Variants in GSN observed in about 807,000 individuals in gnomAD.
GSN encodes actin-depolymerizing factor.
GSN carries 56 observed loss-of-function variants against 85.7 expected under a neutral mutation model. The observed-to-expected ratio is 0.65, with a 90% CI of 0.53 to 0.82. GSN has a LOEUF of 0.82. GSN is among the 40% of genes least tolerant of loss of function. The probability of loss-of-function intolerance (pLI) is 0.00; values close to 1 mark genes in which losing one functional copy is unlikely to be tolerated. For synonymous variants in GSN, 373 were observed against 399.1 expected, an observed-to-expected ratio of 0.93 and a Z score of 0.78; for missense variants, 857 against 979.8, an observed-to-expected ratio of 0.87 and a Z score of 1.67.
upstream of GSN, among the ~76,000 whole-genome samples, chr9:121,206,974 G>C (rs978217285): frequency 2.6e-5 from 4 of 152,202 alleles, no homozygotes; most frequent in Admixed American, 6.5e-5. Flanking sequence ...CATGGAAACT[G>C]AGACCTACTG....
At chr9:121,220,854 G>A (rs2054156840) in intron 4 of GSN, among the ~76,000 whole-genome samples, 1 of 152,140 alleles carries the variant, frequency 6.6e-6, no homozygotes, top group Non-Finnish European at 1.5e-5. Context: ...TATTTTTATG[G>A]AAATGAAGTT....
At chr9:121,278,812 C>G (rs1030195637) in intron 1 of GSN, among the ~76,000 whole-genome samples, 3 of 152,192 alleles carry the variant, frequency 2.0e-5, no homozygotes, top group Admixed American at 2.0e-4. Context: ...TTAGCTGGGG[C>G]TAATTCTAAA....
chr9:121,305,388 C>T (rs1318442167), intron 4 of GSN, among the ~76,000 whole-genome samples: 1 of 152,210 alleles, frequency 6.6e-6, no homozygotes, highest in East Asian at 1.9e-4. Flanking sequence ...AGGGACTCTT[C>T]TGGGTGCTTT....
intron 11 of GSN, among the ~76,000 whole-genome samples, chr9:121,322,806 A>G (rs1243303439): frequency 6.7e-6 from 1 of 148,448 alleles, no homozygotes; most frequent in Admixed American, 6.7e-5. Context: ...ACAGTCTAAA[A>G]CTTTTTGTCT....
At chr9:121,252,986 A>C (rs1345774237) in intron 6 of GSN, among the ~76,000 whole-genome samples, 1 of 152,220 alleles carries the variant, frequency 6.6e-6, no homozygotes, top group African/African-American at 2.4e-5. Flanking sequence ...AGAGGCTGGA[A>C]GTCTAAGATC....
chr9:121,223,054 G>T (rs1279361397), intron 4 of GSN: 1 of 152,122 alleles, frequency 6.6e-6, no homozygotes, highest in East Asian at 1.9e-4. Flanking sequence ...CTCACTTGAG[G>T]CATTTTTTTC....
intron 6 of GSN, among the ~76,000 whole-genome samples, chr9:121,255,541 A>G (rs2054936769): frequency 6.6e-6 from 1 of 152,144 alleles, no homozygotes; most frequent in Admixed American, 6.5e-5. Flanking sequence ...TAGCTCATGT[A>G]TCTATTCTTT....
At chr9:121,314,504 G>A (rs1564533076) in intron 7 of GSN, among the ~76,000 whole-genome samples, 1 of 152,166 alleles carries the variant, frequency 6.6e-6, no homozygotes, top group South Asian at 2.1e-4. Flanking sequence ...GAACTCTCTT[G>A]GCTGAGCTCT....
At chr9:121,286,027 C>T (rs1279418014) in intron 2 of GSN, 3 of 1,160,312 alleles carry the variant, frequency 2.6e-6, no homozygotes, top group Non-Finnish European at 3.7e-6. Context: ...CCTGTGATGC[C>T]TGCGGAGTTG....
At position 121,324,640 on chromosome 9, in the gene GSN, TC is replaced by T; in HGVS notation, c.1414del (p.Gln472ArgfsTer14). On this transcript the variant is annotated frameshift_variant, in exon 12 of 18. Transcript: ENST00000432226. LOFTEE classifies it high-confidence loss of function. ...GATGAGGAGCTGGGAGGTACCCCTG[TC>T]CAGGTGAGCCCAGCCCACCGCCTCT... The part of the protein sequence containing the change: ...QLDEELGGTP[V>X]QSRVVQGKEP... 6.6e-7 allele frequency: 1 copy of T among 1,513,510 alleles called. No individual in the cohort carries two copies. Among genetic ancestry groups the T allele is most frequent in the Non-Finnish European group, 9.0e-7 (1 of 1,115,292 alleles). The allele number at this position is 1,513,510 out of a possible 1,614,324, so 93.8% of individuals were successfully genotyped here.
At chr9:121,283,458 C>T (rs141760671) in intron 2 of GSN, 2,106 of 153,768 alleles carry the variant, frequency 0.014, 55 homozygotes, top group Admixed American at 0.062. Flanking sequence ...CCACCATACC[C>T]GGCTAATGTT....
At chr9:121,246,692 G>A (rs2054706440) in intron 5 of GSN, among the ~76,000 whole-genome samples, 1 of 152,128 alleles carries the variant, frequency 6.6e-6, no homozygotes, top group South Asian at 2.1e-4. Flanking sequence ...TACCATGACT[G>A]TCTATCACCA....
At chr9:121,214,796 T>C (rs1325655053) in intron 4 of GSN, among the ~76,000 whole-genome samples, 5 of 152,214 alleles carry the variant, frequency 3.3e-5, no homozygotes, top group Non-Finnish European at 4.4e-5. Context: ...GTAGCATCTA[T>C]GCCTTAGATG....
chr9:121,238,696 A>G (rs979824809), intron 5 of GSN: 1 of 367,818 alleles, frequency 2.7e-6, no homozygotes, highest in Non-Finnish European at 5.3e-6. Context: ...TCTTTGGGGA[A>G]GATTAGGAAC....
At chr9:121,293,309 G>T (rs1358621309) in intron 2 of GSN, among the ~76,000 whole-genome samples, 1 of 152,074 alleles carries the variant, frequency 6.6e-6, no homozygotes, top group Non-Finnish European at 1.5e-5. Context: ...TCTTGGACAT[G>T]GGCCGATTTT....
chr9:121,204,041 A>G (rs1156577789), upstream of GSN, among the ~76,000 whole-genome samples: 1 of 152,238 alleles, frequency 6.6e-6, no homozygotes, highest in Non-Finnish European at 1.5e-5. Flanking sequence ...TTGCCCAGGT[A>G]TGAACTTAGA....
chr9:121,326,661 T>C lies in GSN; in HGVS notation c.1566T>C (p.Ala522=). The C allele has an allele frequency of 6.2e-7, 1 of 1,609,024 alleles. No homozygotes were observed. The highest frequency in any genetic ancestry group is 2.2e-5 in the East Asian group (1 of 44,714). ...TCTTCCAGGTCCGCGCCAACAGCGC[T>C]GGAGCCACCCGGGCTGTTGAGGTAA... ...TRLFQVRANS[A]GATRAVEVLP... The change falls in exon 13 of 18, where the codon GCT becomes GCC. Residue 522 remains alanine (A), a synonymous_variant. Coordinates refer to ENST00000432226, the MANE Select transcript of GSN (RefSeq NM_198252.3).
In GSN at chr9:121,326,256, C is replaced by G. The variant is rs535200633; in HGVS notation, c.1417-256C>G. On this transcript the variant is annotated intron_variant, in intron 12 of 17. Coordinates refer to ENST00000432226, the MANE Select transcript of GSN (RefSeq NM_198252.3). ...AGGCTCTCCTGGTTCTTGGACCAGGCTGAGGATCAGGAAGGCATGTCGTCA... is the reference window on the plus strand; with the variant it reads ...AGGCTCTCCTGGTTCTTGGACCAGGGTGAGGATCAGGAAGGCATGTCGTCA... 3.3e-5 allele frequency among the ~76,000 whole-genome samples: 5 copies of G among 152,030 alleles called. No individual in the cohort carries two copies. The East Asian group carries it at 9.7e-4, about 29-fold the overall frequency.
At chr9:121,296,940 T>A (rs1374685344) in intron 2 of GSN, among the ~76,000 whole-genome samples, 1 of 152,212 alleles carries the variant, frequency 6.6e-6, no homozygotes, top group African/African-American at 2.4e-5. Context: ...ATTAACGTGG[T>A]CCCTGGGTTG....
Sources: gnomAD v4.1 joint callset for allele counts (sites outside exome capture counted in the v4.1 genomes callset) on GRCh38, gnomAD v4.1.1 for gene constraint, MANE v1.5 for transcripts, NCBI Gene and HGNC (gene_info 2026-07-23, HGNC 2026-07-21) for gene names.